Variants in LRP11 observed in about 807,000 individuals in gnomAD.
LRP11 encodes the protein low-density lipoprotein receptor-related protein 11.
In LRP11, 25 loss-of-function variants were observed where a neutral mutation model predicts 43.1. The ratio of observed to expected loss-of-function variants is 0.58; its 90% confidence interval spans 0.42 to 0.81. The LOEUF (loss-of-function observed/expected upper bound fraction) is 0.81. LRP11 is among the 30% of genes least tolerant of loss of function. The probability of loss-of-function intolerance (pLI) is 0.00; values close to 1 mark genes in which losing one functional copy is unlikely to be tolerated. For missense variants in LRP11, 623 were observed against 665.1 expected (o/e 0.94, Z 0.70); for synonymous variants, 316 against 299.4 (o/e 1.06, Z -0.57).
At chr6:149,830,174 C>A (rs1180199708) in intron 5 of LRP11, among the ~76,000 whole-genome samples, 1 of 151,912 alleles carries the variant, frequency 6.6e-6, no homozygotes, top group African/African-American at 2.4e-5. Flanking sequence ...CCACGCCTGG[C>A]TAATTTTTGT....
intron 1 of LRP11, among the ~76,000 whole-genome samples, chr6:149,859,014 A>T (rs1439107728): frequency 1.3e-5 from 2 of 152,090 alleles, no homozygotes; most frequent in African/African-American, 4.8e-5. Context: ...TATGCATGTC[A>T]ATATGAGTAA....
At chr6:149,846,044 G>T (rs1165757198) in intron 2 of LRP11, among the ~76,000 whole-genome samples, 2 of 152,164 alleles carry the variant, frequency 1.3e-5, no homozygotes, top group Non-Finnish European at 2.9e-5. Context: ...CCTGAGCTCT[G>T]GGAAGACCAG....
intron 1 of LRP11, among the ~76,000 whole-genome samples, chr6:149,859,396 A>ATATATATATATATTTT: frequency 4.2e-5 from 3 of 71,496 alleles, no homozygotes; most frequent in African/African-American, 2.5e-4. Flanking sequence ...ATATATATAT[A>ATATATATATATATTTT]TTTTTTTTTT....
Position 149,853,065 on chromosome 6 carries a change from C to T in LRP11, c.709G>A (p.Asp237Asn). The T allele has an allele frequency of 6.2e-7, 1 of 1,612,582 alleles. No individual in the cohort carries two copies. The highest frequency in any genetic ancestry group is 8.5e-7 in the Non-Finnish European group (1 of 1,179,262). The stretch of plus-strand genomic sequence containing the variant: ...CACTCATACTGGACGATGGCGTGGT[C>T]ATCTGTGCTCTCGCGGCCGTCTAGA... Reference protein sequence around the residue: ...VVLDGRESTDDHAIVQYEWAL... With the variant: ...VVLDGRESTDNHAIVQYEWAL... The change falls in exon 2 of 7, where the codon GAC (aspartate) becomes AAC (asparagine). Residue 237 changes from aspartate to asparagine, a missense_variant. Transcript: ENST00000239367.
chr6:149,837,068 A>G lies in LRP11; in HGVS notation c.1039+270T>C, dbSNP rs144643693. 1.4e-3 allele frequency among the ~76,000 whole-genome samples: 209 copies of G among 152,316 alleles called. 1 individual carries two copies. Among genetic ancestry groups the G allele is most frequent in the African/African-American group, 4.8e-3 (198 of 41,566 alleles). On this transcript the variant is annotated intron_variant, in intron 4 of 6. Coordinates refer to ENST00000239367, the MANE Select transcript of LRP11 (RefSeq NM_032832.6). Reference sequence around the variant, plus strand: ...AAGCATCAAATCACTGCAGTTTTTAAGAAAGCACATGACATGCAGCATTTT... The same window carrying G: ...AAGCATCAAATCACTGCAGTTTTTAGGAAAGCACATGACATGCAGCATTTT...
intron 2 of LRP11, among the ~76,000 whole-genome samples, chr6:149,844,460 A>C (rs1009100294): frequency 1.0e-3 from 152 of 152,148 alleles, no homozygotes; most frequent in African/African-American, 3.4e-3. Flanking sequence ...CCCAACATTC[A>C]CAGGCAGCTT....
chr6:149,863,114 T>A (rs1158555027), intron 1 of LRP11, among the ~76,000 whole-genome samples: 1 of 152,120 alleles, frequency 6.6e-6, no homozygotes, highest in Non-Finnish European at 1.5e-5. Context: ...TAAAACAAAC[T>A]TTTTTCTCTC....
At position 149,863,944 on chromosome 6, in the gene LRP11, A is replaced by G. The variant is rs1776989505; in HGVS notation, c.77T>C (p.Leu26Pro). ...PPRHGALRGL[L>P]LLCLWLPSGR... ...GCTTGGCAGCCACAGGCAGAGCAGTAGCAGCCCGCGCAGCGCCCCGTGACG... is the reference window on the plus strand; with the variant it reads ...GCTTGGCAGCCACAGGCAGAGCAGTGGCAGCCCGCGCAGCGCCCCGTGACG... Residue 26 changes from leucine (L) to proline (P), a missense_variant, in exon 1 of 7, where the codon CTA becomes CCA. Coordinates refer to ENST00000239367, the MANE Select transcript of LRP11 (RefSeq NM_032832.6). 6.9e-7 allele frequency: 1 copy of G among 1,453,720 alleles called. No homozygotes were observed. The highest frequency in any genetic ancestry group is 9.0e-7 in the Non-Finnish European group (1 of 1,109,862). The allele number at this position is 1,453,720 out of a possible 1,614,324, so 90.1% of individuals were successfully genotyped here. A position where few individuals can be genotyped will look rare whatever the true frequency, so the allele number is the denominator to read the frequency against.
chr6:149,857,617 C>A (rs1272565085), intron 1 of LRP11, among the ~76,000 whole-genome samples: 1 of 152,050 alleles, frequency 6.6e-6, no homozygotes, highest in Non-Finnish European at 1.5e-5. Context: ...AAATAAGCCA[C>A]AAGATTAGAA....
In LRP11 at chr6:149,864,138, C is replaced by T. The variant is rs866106031; in HGVS notation, c.-118G>A. On this transcript the variant is annotated 5_prime_UTR_variant, in exon 1 of 7. Coordinates refer to ENST00000239367, the MANE Select transcript of LRP11 (RefSeq NM_032832.6). ...CGCGGCCGCGGCTGGCTCTAGGCCC[C>T]GGCCTCACAGCGCGGCGCCCCCGAA... 2 of 1,164,768 alleles carry T rather than the reference C, an allele frequency of 1.7e-6. No individual in the cohort carries two copies. The highest frequency in any genetic ancestry group is 1.6e-5 in the African/African-American group (1 of 61,802). The allele number at this position is 1,164,768 out of a possible 1,614,324, so 72.2% of individuals were successfully genotyped here. A position where few individuals can be genotyped will look rare whatever the true frequency, so the allele number is the denominator to read the frequency against.
intron 1 of LRP11, among the ~76,000 whole-genome samples, chr6:149,854,945 A>C (rs1776776637): frequency 6.6e-6 from 1 of 152,198 alleles, no homozygotes; most frequent in Non-Finnish European, 1.5e-5. Flanking sequence ...TTGCAGCTGA[A>C]ATGACTCTTC....
At chr6:149,842,677 C>G in intron 3 of LRP11, 1 of 1,551,118 alleles carries the variant, frequency 6.4e-7, no homozygotes, top group Non-Finnish European at 8.7e-7. Flanking sequence ...GACCATCCAT[C>G]TGTAAACAAA....
chr6:149,847,272 C>A (rs1323301127), intron 2 of LRP11, among the ~76,000 whole-genome samples: 1 of 152,222 alleles, frequency 6.6e-6, no homozygotes, highest in Non-Finnish European at 1.5e-5. Flanking sequence ...ATGCTTCCCC[C>A]CTGCCTGCCC....
chr6:149,849,964 AG>A lies in LRP11; in HGVS notation c.771+3038del, dbSNP rs375238444. On this transcript the variant is annotated intron_variant, in intron 2 of 6. Transcript: ENST00000239367. Reference sequence around the variant, plus strand: ...CTGATCTTAAAGTATCACGAGGCAAAGGGAGAGATCACTACTCTGCCTGAGA... The same window carrying A: ...CTGATCTTAAAGTATCACGAGGCAAAGGAGAGATCACTACTCTGCCTGAGA... Among the ~76,000 whole-genome samples the A allele has an allele frequency of 1.6e-3, 238 of 152,252 alleles. 1 individual carries two copies. The highest frequency in any genetic ancestry group is 5.6e-3 in the African/African-American group (233 of 41,554).
chr6:149,859,398 T>TATATATATATATATATATATATATATA (rs1562448086), intron 1 of LRP11, among the ~76,000 whole-genome samples: 11 of 42,516 alleles, frequency 2.6e-4, no homozygotes, highest in East Asian at 1.8e-3. Flanking sequence ...ATATATATAT[T>TATATATATATATATATATATATATATA]TTTTTTTTTT....
At chr6:149,822,306 C>T (rs1776286935) in intron 6 of LRP11, among the ~76,000 whole-genome samples, 1 of 151,790 alleles carries the variant, frequency 6.6e-6, no homozygotes, top group South Asian at 2.1e-4. Context: ...GGCTACTGCA[C>T]TCCAGCCTGG....
At chr6:149,852,249 G>T (rs530327787) in intron 2 of LRP11, among the ~76,000 whole-genome samples, 5 of 152,180 alleles carry the variant, frequency 3.3e-5, no homozygotes, top group Non-Finnish European at 7.3e-5. Context: ...TTTGGTTCCA[G>T]TAGAGTACAA....
chr6:149,841,835 C>T (rs1395376006), intron 3 of LRP11, among the ~76,000 whole-genome samples: 1 of 152,000 alleles, frequency 6.6e-6, no homozygotes, highest in African/African-American at 2.4e-5. Context: ...TCACTTGAAC[C>T]CAGGAGGCAG....
intron 3 of LRP11, 75 bp downstream of exon 3, chr6:149,842,908 A>T: frequency 6.5e-7 from 1 of 1,544,842 alleles, no homozygotes; most frequent in South Asian, 1.1e-5. Context: ...TGGAGCGCAG[A>T]GCCAGAGGAC....
Sources: allele counts gnomAD v4.1 joint callset (sites outside exome capture counted in the v4.1 genomes callset), GRCh38; gene constraint gnomAD v4.1.1; transcripts MANE v1.5; gene names NCBI Gene and HGNC (gene_info 2026-07-23, HGNC 2026-07-21).